The following CAMK4 variants were observed in gnomAD, a reference collection of about 807,000 sequenced individuals.
The protein encoded by CAMK4 is calcium/calmodulin-dependent protein kinase type IV.
Under a neutral mutation model 44.9 loss-of-function variants are expected in CAMK4, and 22 were observed. The ratio of observed to expected loss-of-function variants is 0.49; its 90% CI spans 0.35 to 0.70. The LOEUF is 0.70. Among genes scored for constraint, CAMK4 ranks in the 30% least tolerant of loss-of-function variants. CAMK4 has a pLI of 0.01. For synonymous variants in CAMK4, 218 were observed against 215.4 expected, an observed-to-expected ratio of 1.01 and a Z score of -0.11; for missense variants, 498 against 586.8, an observed-to-expected ratio of 0.85 and a Z score of 1.56.
intron 5 of CAMK4, among the ~76,000 whole-genome samples, chr5:111,413,405 T>C (rs910431127): frequency 2.6e-5 from 4 of 151,892 alleles, no homozygotes; most frequent in Non-Finnish European, 5.9e-5. Flanking sequence ...GGTGAAACCC[T>C]GTCTCTACTA....
chr5:111,352,502 A>G (rs1031981982), intron 2 of CAMK4, among the ~76,000 whole-genome samples: 1 of 152,098 alleles, frequency 6.6e-6, no homozygotes, highest in African/African-American at 2.4e-5. Flanking sequence ...CTGCTATAAC[A>G]TAACATCACA....
intron 1 of CAMK4, among the ~76,000 whole-genome samples, chr5:111,231,555 T>C (rs1033351786): frequency 2.6e-5 from 4 of 152,236 alleles, no homozygotes; most frequent in South Asian, 2.1e-4. Context: ...ATGTAGATAG[T>C]GAACAACAAC....
At chr5:111,316,237 C>T (rs911555389) in intron 1 of CAMK4, among the ~76,000 whole-genome samples, 7 of 152,076 alleles carry the variant, frequency 4.6e-5, no homozygotes, top group South Asian at 4.1e-4. Flanking sequence ...CAGGAGATGT[C>T]GCCAGTCCCC....
intron 5 of CAMK4, chr5:111,416,535 C>A (rs1208110814): frequency 6.6e-6 from 1 of 152,100 alleles, no homozygotes; most frequent in Non-Finnish European, 1.5e-5. Flanking sequence ...ATACATAGAA[C>A]CTCAAGATGT....
intron 7 of CAMK4, among the ~76,000 whole-genome samples, chr5:111,468,068 G>C (rs984769361): frequency 1.3e-5 from 2 of 152,012 alleles, no homozygotes; most frequent in African/African-American, 4.8e-5. Context: ...AAGTAACTCA[G>C]GAATGGAAAA....
chr5:111,264,353 T>G (rs933560143), intron 1 of CAMK4, among the ~76,000 whole-genome samples: 10 of 152,198 alleles, frequency 6.6e-5, no homozygotes, highest in Admixed American at 2.0e-4. Context: ...CCTGGGTGGT[T>G]GATGTATAAA....
intron 5 of CAMK4, among the ~76,000 whole-genome samples, chr5:111,437,041 T>C (rs575562175): frequency 1.3e-5 from 2 of 152,332 alleles, no homozygotes; most frequent in South Asian, 2.1e-4. Flanking sequence ...AATATTCTTA[T>C]CGGTTTTTGG....
intron 5 of CAMK4, among the ~76,000 whole-genome samples, chr5:111,444,369 A>C (rs928998668): frequency 2.0e-5 from 3 of 152,190 alleles, no homozygotes; most frequent in Non-Finnish European, 4.4e-5. Context: ...AAAATACAGT[A>C]AGTGTTTAAA....
At chr5:111,360,471 A>G (rs1750547728) in intron 2 of CAMK4, among the ~76,000 whole-genome samples, 1 of 152,034 alleles carries the variant, frequency 6.6e-6, no homozygotes. Flanking sequence ...CTGAACACAC[A>G]CTCAGAGACC....
Position 111,422,967 on chromosome 5 carries a change from C to T in CAMK4, c.460-23719C>T, listed in dbSNP as rs75230811. Among the ~76,000 whole-genome samples the T allele has an allele frequency of 7.3e-3, 1,105 of 152,240 alleles. 15 individuals are homozygous for T. Among genetic ancestry groups the T allele is most frequent in the African/African-American group, 0.025 (1,053 of 41,538 alleles). On this transcript the variant is annotated intron_variant, in intron 5 of 10. Coordinates refer to ENST00000282356, the MANE Select transcript of CAMK4 (RefSeq NM_001744.6). ...CATCTCTATCTGTCATTCTTTTCCT[C>T]TACCATCCACCACCACCCCCATACA... is the stretch of plus-strand genomic sequence containing the variant.
intron 1 of CAMK4, among the ~76,000 whole-genome samples, chr5:111,235,530 G>A (rs927074868): frequency 6.6e-6 from 1 of 152,138 alleles, no homozygotes; most frequent in South Asian, 2.1e-4. Flanking sequence ...AATGTTCAAT[G>A]AGGTAAACTC....
chr5:111,418,611 G>C (rs1249790401), intron 5 of CAMK4, among the ~76,000 whole-genome samples: 6 of 80,728 alleles, frequency 7.4e-5, no homozygotes, highest in Admixed American at 2.0e-4. Flanking sequence ...CCCCACAACA[G>C]TCCCCAGAGT....
chr5:111,427,380 G>T (rs1180389063), intron 5 of CAMK4, among the ~76,000 whole-genome samples: 3 of 152,206 alleles, frequency 2.0e-5, no homozygotes, highest in Admixed American at 6.5e-5. Flanking sequence ...AAGGACCTTA[G>T]CCTGTGAAAG....
At chr5:111,328,329 G>A (rs1748993671) in intron 1 of CAMK4, among the ~76,000 whole-genome samples, 1 of 151,500 alleles carries the variant, frequency 6.6e-6, no homozygotes, top group Non-Finnish European at 1.5e-5. Flanking sequence ...GTAGATATGT[G>A]GCATTATTTC....
chr5:111,395,011 C>G (rs915575430), intron 5 of CAMK4, among the ~76,000 whole-genome samples: 8 of 151,796 alleles, frequency 5.3e-5, no homozygotes, highest in Non-Finnish European at 1.2e-4. Context: ...GAGTTCCAGA[C>G]CAGCCTTGCC....
rs563469234 is a variant in CAMK4 at position 111,410,488 on chromosome 5, G to A, written c.459+15706G>A. ...AGACACAGCCAAGCCATATCAGATA[G>A]TAAAGAGTGAATAACACTACTGTAT... On this transcript the variant is annotated intron_variant, in intron 5 of 10. Coordinates refer to ENST00000282356, the MANE Select transcript of CAMK4 (RefSeq NM_001744.6). 7.2e-5 allele frequency among the ~76,000 whole-genome samples: 11 copies of A among 152,274 alleles called. No homozygotes were observed. In the East Asian group the frequency reaches 2.1e-3, roughly 29 times the overall value.
In CAMK4 at chr5:111,484,130, C is replaced by G; in HGVS notation, c.1086C>G (p.Ile362Met). The G allele has an allele frequency of 6.2e-7, 1 of 1,614,164 alleles. No homozygotes were observed. The highest frequency in any genetic ancestry group is 8.5e-7 in the Non-Finnish European group (1 of 1,180,028). Reference sequence around the variant, plus strand: ...AGGCTAGCCGAGACCCTTCTCCAATCCAAGATGGCAACGAGGACATGAAAG... The same window carrying G: ...AGGCTAGCCGAGACCCTTCTCCAATGCAAGATGGCAACGAGGACATGAAAG... ...SHKASRDPSP[I>M]QDGNEDMKAI... The change falls in exon 11 of 11, where the codon ATC (isoleucine) becomes ATG (methionine). Residue 362 changes from isoleucine to methionine, a missense_variant. This residue lies in a region of CAMK4 where 143 missense variants were observed against 144.9 expected (regional missense o/e 0.99). Coordinates refer to ENST00000282356, the MANE Select transcript of CAMK4 (RefSeq NM_001744.6). This position sits in a 1 kb window ranked among gnomAD's most constrained non-coding sequence, Gnocchi z 5.3.
chr5:111,311,432 C>G (rs1024470727), intron 1 of CAMK4, among the ~76,000 whole-genome samples: 1 of 152,166 alleles, frequency 6.6e-6, no homozygotes, highest in Non-Finnish European at 1.5e-5. Context: ...GTATGAAAAA[C>G]TCTAAATAGA....
At chr5:111,327,425 T>C (rs1448392241) in intron 1 of CAMK4, among the ~76,000 whole-genome samples, 1 of 152,128 alleles carries the variant, frequency 6.6e-6, no homozygotes, top group Non-Finnish European at 1.5e-5. Context: ...ACATTTGGGT[T>C]GGTTCCAAGT....
Sources: allele counts gnomAD v4.1 joint callset (sites outside exome capture counted in the v4.1 genomes callset), GRCh38; gene constraint gnomAD v4.1.1; regional missense constraint gnomAD v4.1.1; non-coding constraint Gnocchi (gnomAD v3.1); transcripts MANE v1.5; gene names NCBI Gene and HGNC (gene_info 2026-07-23, HGNC 2026-07-21).